Variants in GRIN2B observed in about 807,000 individuals in gnomAD.
The protein encoded by GRIN2B is glutamate ionotropic receptor NMDA type subunit 2B, also known as glutamate receptor ionotropic, NMDA 2B.
Under a neutral mutation model 114.5 loss-of-function variants are expected in GRIN2B, and 5 were observed. The ratio of observed to expected loss-of-function variants is 0.04; its 90% CI spans 0.02 to 0.09. The LOEUF (loss-of-function observed/expected upper bound fraction) is 0.09, where lower values mean the gene tolerates loss of function less well. Ranked by LOEUF, GRIN2B falls within the 10% of genes least tolerant of loss-of-function variation. GRIN2B has a pLI of 1.00. For missense variants in GRIN2B, 1,108 were observed against 1,943.5 expected (o/e 0.57, Z 8.08); for synonymous variants, 787 against 745.1 (o/e 1.06, Z -0.92).
intron 3 of GRIN2B, among the ~76,000 whole-genome samples, chr12:13,803,659 G>A (rs912683896): frequency 6.6e-6 from 1 of 152,024 alleles, no homozygotes; most frequent in Admixed American, 6.6e-5. Flanking sequence ...TAAAATTTAG[G>A]GGACTGTGAA....
intron 3 of GRIN2B, among the ~76,000 whole-genome samples, chr12:13,780,690 A>C (rs1383597160): frequency 6.6e-6 from 1 of 152,210 alleles, no homozygotes; most frequent in East Asian, 1.9e-4. Context: ...AGGAGAATTT[A>C]CAAAGATGAA....
chr12:13,805,362 T>C (rs537125161), intron 3 of GRIN2B, among the ~76,000 whole-genome samples: 3 of 152,286 alleles, frequency 2.0e-5, no homozygotes, highest in Non-Finnish European at 4.4e-5. Context: ...CTAAACAAAG[T>C]TATATCTAGA....
In GRIN2B at chr12:13,814,932, T is replaced by C. The variant is rs139244022; in HGVS notation, c.411+50866A>G. ...GTCTATGAATGTTATTTTCAACTCT[T>C]CCCTTAAGTTTCATCTCTTTGATTT... On this transcript the variant is annotated intron_variant, in intron 3 of 13. Coordinates refer to ENST00000609686, the MANE Select transcript of GRIN2B (RefSeq NM_000834.5). Among the ~76,000 whole-genome samples, 28 of 152,110 alleles carry C rather than the reference T, an allele frequency of 1.8e-4. No homozygotes were observed. The East Asian group carries it at 3.7e-3, about 20-fold the overall frequency.
At chr12:13,701,277 C>T (rs962006302) in intron 4 of GRIN2B, among the ~76,000 whole-genome samples, 4 of 152,074 alleles carry the variant, frequency 2.6e-5, no homozygotes, top group African/African-American at 9.7e-5. Context: ...GACACAAAGC[C>T]TAACCATATC....
chr12:13,629,490 T>G (rs1281392227), intron 5 of GRIN2B, among the ~76,000 whole-genome samples: 1 of 152,160 alleles, frequency 6.6e-6, no homozygotes, highest in African/African-American at 2.4e-5. Context: ...TGCTCTAAAC[T>G]GCACATCTGA....
intron 10 of GRIN2B, among the ~76,000 whole-genome samples, chr12:13,577,840 A>C (rs1447222713): frequency 6.6e-6 from 1 of 152,252 alleles, no homozygotes; most frequent in Non-Finnish European, 1.5e-5. Context: ...AGGAGTTTGC[A>C]TTACAGAGAG....
At position 13,550,398 on chromosome 12, in the gene GRIN2B, A is replaced by C. The variant is rs1048965510; in HGVS notation, c.*12385T>G. 1.3e-5 allele frequency: 2 copies of C among 152,178 alleles called. No individual in the cohort carries two copies. Among genetic ancestry groups the C allele is most frequent in the African/African-American group, 4.8e-5 (2 of 41,444 alleles). The allele number at this position is 152,178 out of a possible 1,614,324, so 9.4% of individuals were successfully genotyped here. A position where few individuals can be genotyped will look rare whatever the true frequency, so the allele number is the denominator to read the frequency against. On this transcript the variant is annotated 3_prime_UTR_variant, in exon 14 of 14. Coordinates refer to ENST00000609686, the MANE Select transcript of GRIN2B (RefSeq NM_000834.5). ...TCGAGAAATGACTCTTCAGATTTCT[A>C]TGTGACCCATTTCTCGTGCCTGTTA... is the stretch of plus-strand genomic sequence containing the variant.
At chr12:13,863,402 C>G (rs776707582) in intron 3 of GRIN2B, among the ~76,000 whole-genome samples, 2 of 152,186 alleles carry the variant, frequency 1.3e-5, no homozygotes. Flanking sequence ...TATATGAGAC[C>G]TTAACCAGTC....
Position 13,635,336 on chromosome 12 carries a change from T to C in GRIN2B, c.1126-18679A>G, listed in dbSNP as rs534254794. On this transcript the variant is annotated intron_variant, in intron 5 of 13. Transcript: ENST00000609686. ...TTCCTGTTTTCTACAGGAAGGGAAA[T>C]CAATAGATGCCTTTAAATGCTCCTC... Among the ~76,000 whole-genome samples, 18 of 152,168 alleles carry C rather than the reference T, an allele frequency of 1.2e-4. 1 individual carries two copies. In the South Asian group the frequency reaches 3.5e-3, roughly 30 times the overall value.
chr12:13,616,585 C>G lies in GRIN2B; in HGVS notation c.1198G>C (p.Glu400Gln). 3.1e-6 allele frequency: 5 copies of G among 1,614,034 alleles called. 1 individual carries two copies. In the South Asian group the frequency reaches 5.5e-5, roughly 18 times the overall value. ...ATGCTCAGATGGTCATCCTCCTGCT[C>G]TTCAGTCTCTGGACACATTCGGGGC... ...VWPRMCPETEEQEDDHLSIVT... is the reference protein window; with the variant it reads ...VWPRMCPETEQQEDDHLSIVT... The change falls in exon 6 of 14, where the codon GAG becomes CAG. Residue 400 changes from glutamate (E) to glutamine (Q), a missense_variant. Physicochemically the swap from Glu to Gln is conservative, Grantham distance 29 (BLOSUM62 2). Coordinates refer to ENST00000609686, the MANE Select transcript of GRIN2B (RefSeq NM_000834.5).
intron 10 of GRIN2B, among the ~76,000 whole-genome samples, chr12:13,583,285 C>T (rs146428553): frequency 2.0e-5 from 3 of 152,346 alleles, no homozygotes; most frequent in East Asian, 3.9e-4. Context: ...AATGCTTCTA[C>T]AGCACTCACC....
intron 2 of GRIN2B, among the ~76,000 whole-genome samples, chr12:13,962,138 C>T (rs1867705352): frequency 8.0e-6 from 1 of 125,574 alleles, no homozygotes; most frequent in Admixed American, 7.6e-5. Context: ...GAAGCTGGCT[C>T]TTCCACACAG....
chr12:13,880,602 C>A (rs759372470), intron 2 of GRIN2B, among the ~76,000 whole-genome samples: 8 of 152,160 alleles, frequency 5.3e-5, no homozygotes, highest in Admixed American at 3.3e-4. Flanking sequence ...CCAAAAACAG[C>A]AAATAAGCTG....
intron 2 of GRIN2B, among the ~76,000 whole-genome samples, chr12:13,924,404 C>A (rs1047041116): frequency 6.6e-6 from 1 of 152,170 alleles, no homozygotes; most frequent in Non-Finnish European, 1.5e-5. Context: ...CCTGCTCCCC[C>A]AAAGAAGAAA....
rs1948514565 is a variant in GRIN2B, at chr12:13,559,564, CCACGTCTAAACCTAA to C, written c.*3204_*3218del. 1 of 152,246 alleles carries C rather than the reference CCACGTCTAAACCTAA, an allele frequency of 6.6e-6. No homozygotes were observed. The highest frequency in any genetic ancestry group is 1.5e-5 in the Non-Finnish European group (1 of 68,044). The allele number at this position is 152,246 out of a possible 1,614,324, so 9.4% of individuals were successfully genotyped here. On this transcript the variant is annotated 3_prime_UTR_variant, in exon 14 of 14. Transcript: ENST00000609686. ...CACCATTGCTCACATACCCACCCTC[CCACGTCTAAACCTAA>C]CTTCAGCAATCTTGCTAAGGGAATC...
Position 13,732,158 on chromosome 12 carries a change from C to CT in GRIN2B, c.1010+21158dup, listed in dbSNP as rs142353893. 5.1e-3 allele frequency among the ~76,000 whole-genome samples: 744 copies of CT among 144,976 alleles called. 4 individuals carry two copies. The highest frequency in any genetic ancestry group is 0.015 in the East Asian group (76 of 4,996). On this transcript the variant is annotated intron_variant, in intron 4 of 13. Transcript: ENST00000609686. ...TTACTATTGCATGTTCATTACCACACTTTTTTTTTTTTTGGATGAGAAAAC... is the reference window on the plus strand; with the variant it reads ...TTACTATTGCATGTTCATTACCACACTTTTTTTTTTTTTTGGATGAGAAAAC...
At chr12:13,691,565 T>C (rs1327424022) in intron 4 of GRIN2B, among the ~76,000 whole-genome samples, 1 of 152,138 alleles carries the variant, frequency 6.6e-6, no homozygotes, top group African/African-American at 2.4e-5. Context: ...TTTCCAGTCA[T>C]TACCAGGTTG....
chr12:13,865,763 AC>A (rs1252502709), intron 3 of GRIN2B, 34 bp downstream of exon 3: 4 of 1,543,898 alleles, frequency 2.6e-6, no homozygotes, highest in East Asian at 4.5e-5. Context: ...CTCAGCACAA[AC>A]CCTCAGGCCC....
intron 5 of GRIN2B, among the ~76,000 whole-genome samples, chr12:13,654,297 C>G (rs76694600): frequency 6.6e-6 from 1 of 152,098 alleles, no homozygotes; most frequent in Non-Finnish European, 1.5e-5. Context: ...AAAAGCTTCC[C>G]TGGGCTCTTT....
Sources: gnomAD v4.1 joint callset for allele counts (sites outside exome capture counted in the v4.1 genomes callset) on GRCh38, gnomAD v4.1.1 for gene constraint, MANE v1.5 for transcripts, NCBI Gene and HGNC (gene_info 2026-07-23, HGNC 2026-07-21) for gene names.